Variants in SLC6A4 observed in about 807,000 individuals in gnomAD.
The protein encoded by SLC6A4 is solute carrier family 6 member 4, also known as sodium-dependent serotonin transporter.
SLC6A4 carries 22 observed loss-of-function variants against 73.4 expected under a neutral mutation model. The ratio of observed to expected loss-of-function variants is 0.30; its 90% CI spans 0.21 to 0.43. The LOEUF (loss-of-function observed/expected upper bound fraction) is 0.43. Among genes scored for constraint, SLC6A4 ranks in the 20% least tolerant of loss-of-function variants. The pLI is 1.00. For synonymous variants in SLC6A4, 270 were observed against 315.5 expected, an observed-to-expected ratio of 0.86 and a Z score of 1.53; for missense variants, 593 against 808.5, an observed-to-expected ratio of 0.73 and a Z score of 3.23.
intron 13 of SLC6A4, 176 bp from the exon 14 acceptor site, chr17:30,203,515 G>C: frequency 1.7e-6 from 1 of 602,358 alleles, no homozygotes; most frequent in Non-Finnish European, 2.9e-6. Context: ...CTGTACCCAA[G>C]CTGCAAGACT....
At chr17:30,201,013 C>T (rs544095464) in intron 14 of SLC6A4, among the ~76,000 whole-genome samples, 1 of 152,088 alleles carries the variant, frequency 6.6e-6, no homozygotes, top group African/African-American at 2.4e-5. Flanking sequence ...GAACTCCTGA[C>T]CTCAGGTGAC....
chr17:30,209,105 T>C, intron 12 of SLC6A4, 38 bp downstream of exon 12: 1 of 1,423,436 alleles, frequency 7.0e-7, no homozygotes, highest in Non-Finnish European at 9.9e-7. Flanking sequence ...TGGCTGATGG[T>C]GTAGAAGGGA....
intron 1 of SLC6A4, among the ~76,000 whole-genome samples, chr17:30,225,431 A>G (rs1307112977): frequency 1.3e-5 from 2 of 152,150 alleles, no homozygotes; most frequent in African/African-American, 4.8e-5. Flanking sequence ...GCACATAACA[A>G]TGGCTGAAAA....
At chr17:30,227,650 T>G (rs1906968953) in intron 1 of SLC6A4, among the ~76,000 whole-genome samples, 1 of 152,096 alleles carries the variant, frequency 6.6e-6, no homozygotes, top group South Asian at 2.1e-4. Flanking sequence ...CACACCCAGC[T>G]AATTTTTTGT....
intron 1 of SLC6A4, 104 bp from the exon 2 acceptor site, chr17:30,223,019 T>C: frequency 2.5e-6 from 1 of 404,862 alleles, no homozygotes; most frequent in Non-Finnish European, 4.9e-6. Flanking sequence ...TGCCTTCATT[T>C]CACCGCCGTG....
In SLC6A4 at chr17:30,196,495, G is replaced by A. The variant is rs895022349; in HGVS notation, c.*1961C>T. ...TTTAAAAGTAGTATATTTGAACAAT[G>A]TCTAAGTATGTGGGGTGGGGAGAAT... On this transcript the variant is annotated 3_prime_UTR_variant, in exon 15 of 15. Coordinates refer to ENST00000650711, the MANE Select transcript of SLC6A4 (RefSeq NM_001045.6). 1 of 152,282 alleles carries A rather than the reference G, an allele frequency of 6.6e-6. No individual in the cohort carries two copies. Among genetic ancestry groups the A allele is most frequent in the African/African-American group, 2.4e-5 (1 of 41,426 alleles). 9.4% of individuals were successfully genotyped at this position (152,282 alleles called of 1,614,324 possible).
chr17:30,206,805 G>A (rs1488037728), intron 13 of SLC6A4, among the ~76,000 whole-genome samples: 3 of 128,782 alleles, frequency 2.3e-5, no homozygotes, highest in Non-Finnish European at 3.1e-5. Flanking sequence ...TGCAACCTCC[G>A]CCTCCCAGGT....
At chr17:30,210,142 G>T (rs1225926584) in intron 11 of SLC6A4, among the ~76,000 whole-genome samples, 1 of 151,746 alleles carries the variant, frequency 6.6e-6, no homozygotes, top group Admixed American at 6.6e-5. Flanking sequence ...TTCTGGAGGA[G>T]ACCAAGCGGC....
intron 5 of SLC6A4, 151 bp from the exon 6 acceptor site, chr17:30,217,455 G>C: frequency 2.8e-6 from 2 of 724,144 alleles, no homozygotes; most frequent in Non-Finnish European, 4.4e-6. Context: ...GCTGGGATTG[G>C]CCCTGCCTGT....
intron 1 of SLC6A4, among the ~76,000 whole-genome samples, chr17:30,229,728 T>C (rs1026504565): frequency 7.2e-5 from 11 of 152,032 alleles, no homozygotes; most frequent in African/African-American, 2.2e-4. Flanking sequence ...TCTTTAGAAG[T>C]TGATGACATG....
intron 14 of SLC6A4, among the ~76,000 whole-genome samples, chr17:30,199,853 T>A (rs1905977628): frequency 6.6e-6 from 1 of 152,004 alleles, no homozygotes; most frequent in South Asian, 2.1e-4. Flanking sequence ...TAAACAGAAT[T>A]ATGGCTTGTT....
At chr17:30,213,312 T>C (rs919642255) in intron 8 of SLC6A4, among the ~76,000 whole-genome samples, 4 of 150,252 alleles carry the variant, frequency 2.7e-5, no homozygotes, top group African/African-American at 9.8e-5. Flanking sequence ...CTTTTTTTTT[T>C]TTTTTTTTGA....
rs1365386516 is a variant in SLC6A4 at position 30,215,467 on chromosome 17, G to C, written c.1076+144C>G. On this transcript the variant is annotated intron_variant, in intron 8 of 14. Transcript: ENST00000650711. ...TCTGGCCATGGGTGAGCTGGTCAGG[G>C]GCCTGCAGCACCCCTGAGGGGCAGT... 8.7e-6 allele frequency: 6 copies of C among 691,530 alleles called. No homozygotes were observed. The African/African-American group carries it at 8.8e-5, about 10-fold the overall frequency. 42.8% of individuals were successfully genotyped at this position (691,530 alleles called of 1,614,324 possible). A position where few individuals can be genotyped will look rare whatever the true frequency, so the allele number is the denominator to read the frequency against.
rs1282021694 is a variant in SLC6A4 at position 30,235,443 on chromosome 17, T to A, written c.-221+170A>T. Among the ~76,000 whole-genome samples, 2 of 152,246 alleles carry A rather than the reference T, an allele frequency of 1.3e-5. No homozygotes were observed. The highest frequency in any genetic ancestry group is 2.9e-5 in the Non-Finnish European group (2 of 68,030). ...GGTCAGCTTCAGCTCTGGCTCTTGC[T>A]GAGCGTGGAGGGCGCAGGGGCAGGA... On this transcript the variant is annotated intron_variant, in intron 1 of 14. Transcript: ENST00000650711. The surrounding 1 kb of genome is among the most constrained non-coding windows in gnomAD (Gnocchi z 4.5).
At chr17:30,217,330 C>T (rs1352610921) in intron 5 of SLC6A4, 26 bp from the exon 6 acceptor site, 2 of 1,608,980 alleles carry the variant, frequency 1.2e-6, no homozygotes, top group African/African-American at 1.3e-5. Context: ...AAGAAAGGCC[C>T]CTGAGAGGCT....
intron 1 of SLC6A4, among the ~76,000 whole-genome samples, chr17:30,230,080 AGAAGAAGAAGAAGAAGAGGAGGAAGAG>A (rs1216453377): frequency 1.7e-4 from 21 of 123,160 alleles, no homozygotes; most frequent in African/African-American, 7.9e-4. Flanking sequence ...AAGAAGAAGA[AGAAGAAGAAGAAGAAGAGGAGGAAGAG>A]GAAGAGGAAG....
At chr17:30,231,924 G>A (rs756208081) in intron 1 of SLC6A4, among the ~76,000 whole-genome samples, 7 of 152,146 alleles carry the variant, frequency 4.6e-5, no homozygotes, top group Non-Finnish European at 7.3e-5. Context: ...AGCGAAAGTA[G>A]AAGAGACTCA....
At chr17:30,225,288 C>T (rs1478284942) in intron 1 of SLC6A4, among the ~76,000 whole-genome samples, 3 of 152,116 alleles carry the variant, frequency 2.0e-5, no homozygotes, top group Admixed American at 6.5e-5. Context: ...GGTGACTAAT[C>T]GGGTCTGCCA....
intron 1 of SLC6A4, among the ~76,000 whole-genome samples, chr17:30,231,482 G>A (rs773196034): frequency 6.6e-6 from 1 of 151,186 alleles, no homozygotes; most frequent in Non-Finnish European, 1.5e-5. Context: ...TATATATAGT[G>A]TGTATATATA....
Sources: gnomAD v4.1 joint callset for allele counts (sites outside exome capture counted in the v4.1 genomes callset) on GRCh38, gnomAD v4.1.1 for gene constraint, Gnocchi (gnomAD v3.1) non-coding constraint, MANE v1.5 for transcripts, NCBI Gene and HGNC (gene_info 2026-07-23, HGNC 2026-07-21) for gene names.